The following ADAMTS18 variants were observed in gnomAD, a reference collection of about 807,000 sequenced individuals.
The protein encoded by ADAMTS18 is A disintegrin and metalloproteinase with thrombospondin motifs 18.
A neutral mutation model predicts 165.9 loss-of-function variants in ADAMTS18; 157 were observed. That is an observed-to-expected ratio of 0.95 (90% CI 0.83 to 1.08). The LOEUF (loss-of-function observed/expected upper bound fraction) is 1.08, where lower values mean the gene tolerates loss of function less well. Among genes scored for constraint, ADAMTS18 ranks in the 50% least tolerant of loss-of-function variants. The pLI is 0.00. For missense variants in ADAMTS18, 2,040 were observed against 1,534.0 expected, an observed-to-expected ratio of 1.33 and a Z score of -5.51; for synonymous variants, 782 against 578.2, an observed-to-expected ratio of 1.35 and a Z score of -5.06.
At chr16:77,364,947 A>G (rs1300012878) in intron 4 of ADAMTS18, among the ~76,000 whole-genome samples, 1 of 152,082 alleles carries the variant, frequency 6.6e-6, no homozygotes, top group Non-Finnish European at 1.5e-5. Flanking sequence ...CTCTACTAAA[A>G]TTACAAAAAT....
At chr16:77,356,675 G>C (rs1176137102) in intron 8 of ADAMTS18, among the ~76,000 whole-genome samples, 1 of 151,968 alleles carries the variant, frequency 6.6e-6, no homozygotes, top group Non-Finnish European at 1.5e-5. Context: ...ATTAAATCTT[G>C]ACCATTACTG....
chr16:77,305,996 A>G (rs1223034829), intron 16 of ADAMTS18, among the ~76,000 whole-genome samples: 2 of 152,184 alleles, frequency 1.3e-5, no homozygotes, highest in East Asian at 1.9e-4. Context: ...TGCTCAGGGT[A>G]CAGGAGCACC....
At chr16:77,376,670 A>T (rs545910930) in intron 3 of ADAMTS18, among the ~76,000 whole-genome samples, 2 of 152,356 alleles carry the variant, frequency 1.3e-5, no homozygotes, top group Admixed American at 1.3e-4. Context: ...GCTAAAGCTT[A>T]AAAATTAAAT....
At chr16:77,345,396 T>C (rs1410734137) in intron 10 of ADAMTS18, among the ~76,000 whole-genome samples, 1 of 152,174 alleles carries the variant, frequency 6.6e-6, no homozygotes, top group African/African-American at 2.4e-5. Context: ...TCTTTCACAT[T>C]CTATCAAGAA....
intron 12 of ADAMTS18, among the ~76,000 whole-genome samples, chr16:77,331,731 A>G (rs2056192455): frequency 6.6e-6 from 1 of 152,138 alleles, no homozygotes; most frequent in Non-Finnish European, 1.5e-5. Flanking sequence ...GCTGCTAGAC[A>G]TCTTACCATG....
chr16:77,297,809 C>T (rs2144584893), intron 17 of ADAMTS18, among the ~76,000 whole-genome samples: 1 of 151,426 alleles, frequency 6.6e-6, no homozygotes, highest in South Asian at 2.1e-4. Context: ...AAGATTTTGC[C>T]TTAACATGAA....
intron 3 of ADAMTS18, among the ~76,000 whole-genome samples, chr16:77,371,023 T>C (rs2056868663): frequency 6.6e-6 from 1 of 152,170 alleles, no homozygotes; most frequent in Non-Finnish European, 1.5e-5. Context: ...GAGATCAGCC[T>C]GGGCAACATA....
At chr16:77,334,806 AG>A (rs1567492119) in intron 12 of ADAMTS18, among the ~76,000 whole-genome samples, 11 of 123,312 alleles carry the variant, frequency 8.9e-5, no homozygotes, top group Non-Finnish European at 1.1e-4. Flanking sequence ...TATATACTAT[AG>A]TATACAGTAT....
chr16:77,302,721 C>T (rs1195642371), intron 16 of ADAMTS18, among the ~76,000 whole-genome samples: 3 of 152,162 alleles, frequency 2.0e-5, no homozygotes, highest in African/African-American at 7.2e-5. Flanking sequence ...TTATGTTCTG[C>T]TGATTAAAAA....
intron 3 of ADAMTS18, among the ~76,000 whole-genome samples, chr16:77,405,069 T>A (rs1415596063): frequency 3.3e-5 from 5 of 152,152 alleles, no homozygotes; most frequent in African/African-American, 1.2e-4. Context: ...TTTGGGCAGA[T>A]CAGCTCTGAC....
chr16:77,416,879 G>C (rs2057537538), intron 3 of ADAMTS18, among the ~76,000 whole-genome samples: 1 of 152,154 alleles, frequency 6.6e-6, no homozygotes, highest in African/African-American at 2.4e-5. Flanking sequence ...ATTTAGAACA[G>C]TGATGGCAGC....
intron 8 of ADAMTS18, among the ~76,000 whole-genome samples, chr16:77,357,040 G>A (rs1476203340): frequency 7.1e-6 from 1 of 140,908 alleles, no homozygotes; most frequent in Non-Finnish European, 1.5e-5. Context: ...ATATAAATAT[G>A]AATTTCATCA....
chr16:77,348,951 A>G (rs1282037142), intron 10 of ADAMTS18, among the ~76,000 whole-genome samples: 4 of 152,226 alleles, frequency 2.6e-5, no homozygotes, highest in African/African-American at 9.6e-5. Context: ...AGGCTTGTAG[A>G]CACGGAAAAG....
intron 11 of ADAMTS18, among the ~76,000 whole-genome samples, chr16:77,339,370 G>A (rs920747744): frequency 6.6e-6 from 1 of 152,162 alleles, no homozygotes; most frequent in African/African-American, 2.4e-5. Context: ...ATAACGTGGT[G>A]TGGCAGTTGT....
At chr16:77,410,710 A>T (rs1256152957) in intron 3 of ADAMTS18, among the ~76,000 whole-genome samples, 1 of 152,162 alleles carries the variant, frequency 6.6e-6, no homozygotes, top group Non-Finnish European at 1.5e-5. Context: ...AACCGATGGT[A>T]TAAGAACAAT....
At chr16:77,301,042 A>C (rs1192887340) in intron 16 of ADAMTS18, among the ~76,000 whole-genome samples, 4 of 152,240 alleles carry the variant, frequency 2.6e-5, no homozygotes, top group Non-Finnish European at 5.9e-5. Flanking sequence ...GGATGAGCAG[A>C]TAAGAAGAAA....
rs2056671444 is a variant in ADAMTS18, at chr16:77,358,972, G to C, written c.1322+346C>G. Among the ~76,000 whole-genome samples, 4 of 152,154 alleles carry C rather than the reference G, an allele frequency of 2.6e-5. 1 individual carries two copies. Among genetic ancestry groups the C allele is most frequent in the Admixed American group, 2.6e-4 (4 of 15,274 alleles). On this transcript the variant is annotated intron_variant, in intron 8 of 22. Transcript: ENST00000282849. Reference sequence around the variant, plus strand: ...AAAAAGCAGCATGCCATTATACTTTGGGAATTAATTTTTCTCCATGATTAC... The same window carrying C: ...AAAAAGCAGCATGCCATTATACTTTCGGAATTAATTTTTCTCCATGATTAC...
intron 16 of ADAMTS18, among the ~76,000 whole-genome samples, chr16:77,313,305 CA>C (rs1417064515): frequency 2.0e-5 from 3 of 151,164 alleles, no homozygotes; most frequent in African/African-American, 7.3e-5. Flanking sequence ...CGGGTGGGGG[CA>C]GGGGGGAAGG....
At chr16:77,417,049 T>C (rs1158664704) in intron 3 of ADAMTS18, among the ~76,000 whole-genome samples, 5 of 152,206 alleles carry the variant, frequency 3.3e-5, no homozygotes. Flanking sequence ...GTCTCATCAC[T>C]TATTTGTGTT....
Sources: allele counts gnomAD v4.1 joint callset (sites outside exome capture counted in the v4.1 genomes callset), GRCh38; gene constraint gnomAD v4.1.1; transcripts MANE v1.5; gene names NCBI Gene and HGNC (gene_info 2026-07-23, HGNC 2026-07-21).